The following KAZN variants were observed in gnomAD, a reference collection of about 807,000 sequenced individuals.
KAZN encodes kazrin.
Under a neutral mutation model 87.4 loss-of-function variants are expected in KAZN, and 40 were observed. The ratio of observed to expected loss-of-function variants is 0.46; its 90% CI spans 0.36 to 0.60. KAZN has a LOEUF of 0.60. Among genes scored for constraint, KAZN ranks in the 20% least tolerant of loss-of-function variants. The pLI is 0.00. For missense variants in KAZN, 898 were observed against 1,073.9 expected (o/e 0.84, Z 2.29); for synonymous variants, 466 against 458.3 (o/e 1.02, Z -0.22).
At chr1:14,488,908 A>T (rs1437096318) in intron 2 of KAZN, among the ~76,000 whole-genome samples, 1 of 152,166 alleles carries the variant, frequency 6.6e-6, no homozygotes, top group East Asian at 1.9e-4. Context: ...GGAGGACAGG[A>T]TTCATTTCTT....
chr1:14,678,602 G>A (rs1049024486), intron 1 of KAZN, among the ~76,000 whole-genome samples: 2 of 152,142 alleles, frequency 1.3e-5, no homozygotes, highest in African/African-American at 4.8e-5. Context: ...TATCCCTCTA[G>A]AGAACCCTGA....
intron 2 of KAZN, among the ~76,000 whole-genome samples, chr1:14,276,241 GT>G (rs1652345093): frequency 6.6e-6 from 1 of 151,004 alleles, no homozygotes; most frequent in Non-Finnish European, 1.5e-5. Context: ...TCTCTTCCCA[GT>G]TTGCTAAAGG....
At chr1:14,033,738 T>G (rs1327068780) in intron 1 of KAZN, among the ~76,000 whole-genome samples, 1 of 152,214 alleles carries the variant, frequency 6.6e-6, no homozygotes. Flanking sequence ...GTTTGCCCAA[T>G]TACTGCAGCC....
At position 14,923,972 on chromosome 1, in the gene KAZN, G is replaced by A. The variant is rs1310565647; in HGVS notation, c.227-36712G>A. ...AATGACCGCGTCGGGGATGCACCGA[G>A]TGGCGGGGGCCGGGCGCACAACGGG... On this transcript the variant is annotated intron_variant, in intron 1 of 14. Coordinates refer to ENST00000376030, the MANE Select transcript of KAZN (RefSeq NM_201628.3). The surrounding 1 kb of genome is among the most constrained non-coding windows in gnomAD (Gnocchi z 4.2). 6.6e-6 allele frequency among the ~76,000 whole-genome samples: 1 copy of A among 151,632 alleles called. No individual in the cohort carries two copies. The highest frequency in any genetic ancestry group is 6.6e-5 in the Admixed American group (1 of 15,240).
chr1:14,522,844 C>T (rs768409273), intron 2 of KAZN, among the ~76,000 whole-genome samples: 26 of 152,176 alleles, frequency 1.7e-4, no homozygotes, highest in Non-Finnish European at 2.8e-4. Flanking sequence ...GTATTTTCTT[C>T]CAAGCAGCTT....
At chr1:14,045,104 A>C (rs1360915225) in intron 1 of KAZN, among the ~76,000 whole-genome samples, 2 of 152,256 alleles carry the variant, frequency 1.3e-5, no homozygotes, top group African/African-American at 4.8e-5. Context: ...TCTTGGAAGT[A>C]GATCTTCCAG....
Position 14,105,260 on chromosome 1 carries a change from T to G in KAZN, c.92-75175T>G, listed in dbSNP as rs191469349. 2.6e-5 allele frequency among the ~76,000 whole-genome samples: 4 copies of G among 152,236 alleles called. No individual in the cohort carries two copies. The East Asian group carries it at 7.7e-4, about 29-fold the overall frequency. ...GAAGGATCAGGATCTGTTGAGTGTG[T>G]ATAACAAAAAGAACCAACCCGATCT... On this transcript the variant is annotated intron_variant, in intron 1 of 16. Coordinates refer to the KAZN transcript ENST00000636203.
In KAZN at chr1:14,396,090, C is replaced by A. The variant is rs1662874030; in HGVS notation, c.250-202893C>A. Among the ~76,000 whole-genome samples the A allele has an allele frequency of 2.7e-5, 4 of 150,280 alleles. No individual in the cohort carries two copies. The South Asian group carries it at 8.6e-4, about 32-fold the overall frequency. ...GGCTGAGGCAAGAGAATCGCTTGAACCCGGGAGGCAAAGGTTGCAGTGAGC... is the reference window on the plus strand; with the variant it reads ...GGCTGAGGCAAGAGAATCGCTTGAAACCGGGAGGCAAAGGTTGCAGTGAGC... On this transcript the variant is annotated intron_variant, in intron 2 of 16. Coordinates refer to the KAZN transcript ENST00000636203.
At chr1:14,368,426 A>G (rs1335556237) in intron 2 of KAZN, among the ~76,000 whole-genome samples, 1 of 152,234 alleles carries the variant, frequency 6.6e-6, no homozygotes, top group Non-Finnish European at 1.5e-5. Flanking sequence ...TGATCCATCC[A>G]TTAGGCACTC....
intron 1 of KAZN, among the ~76,000 whole-genome samples, chr1:14,089,387 G>A (rs1395830246): frequency 6.6e-6 from 1 of 151,818 alleles, no homozygotes; most frequent in East Asian, 1.9e-4. Context: ...TCTTCTTGTG[G>A]ATTAATTCAG....
intron 2 of KAZN, among the ~76,000 whole-genome samples, chr1:15,015,253 AGC>A (rs1358257466): frequency 6.6e-6 from 1 of 151,904 alleles, no homozygotes; most frequent in Non-Finnish European, 1.5e-5. Flanking sequence ...CCCAGGTTCA[AGC>A]AATTCTTCTG....
intron 5 of KAZN, among the ~76,000 whole-genome samples, chr1:15,057,455 C>T (rs1638393854): frequency 6.6e-6 from 1 of 152,214 alleles, no homozygotes; most frequent in South Asian, 2.1e-4. Context: ...TCATTATCAT[C>T]GTCATCATCA....
Position 14,820,953 on chromosome 1 carries a change from A to C in KAZN, c.227-139731A>C, listed in dbSNP as rs188524914. On this transcript the variant is annotated intron_variant, in intron 1 of 14. Transcript: ENST00000376030. The surrounding 1 kb of genome is among the most constrained non-coding windows in gnomAD (Gnocchi z 4.1). ...GGGGATGGCAAGGGCTGGACGCAGC[A>C]GGACCGTGGTCTGTTCTGTGATGGA... is the stretch of plus-strand genomic sequence containing the variant. Among the ~76,000 whole-genome samples the C allele has an allele frequency of 3.8e-3, 574 of 152,332 alleles. 3 individuals carry two copies. The highest frequency in any genetic ancestry group is 6.8e-3 in the Middle Eastern group (2 of 294).
chr1:14,181,574 C>T (rs755069222), intron 2 of KAZN, among the ~76,000 whole-genome samples: 12 of 152,160 alleles, frequency 7.9e-5, no homozygotes, highest in Non-Finnish European at 1.8e-4. Context: ...TGCCTGAAGC[C>T]GCCCCATGGG....
chr1:14,986,599 G>A (rs746921073), intron 2 of KAZN, among the ~76,000 whole-genome samples: 19 of 152,130 alleles, frequency 1.2e-4, no homozygotes, highest in Non-Finnish European at 2.2e-4. Context: ...CACTGAGTAC[G>A]GCTGGTATGG....
chr1:14,812,041 G>A (rs1380829631), intron 1 of KAZN, among the ~76,000 whole-genome samples: 1 of 152,084 alleles, frequency 6.6e-6, no homozygotes, highest in Non-Finnish European at 1.5e-5. Context: ...TGTAAGTTTG[G>A]AGCCAGAGCA....
upstream of KAZN, chr1:14,598,608 CT>C (rs1676671601): frequency 9.4e-7 from 1 of 1,061,712 alleles, no homozygotes. This position sits in a 1 kb window ranked among gnomAD's most constrained non-coding sequence, Gnocchi z 4.2. Flanking sequence ...TGCCCCCAGC[CT>C]CCGACCGAGA....
At position 14,903,168 on chromosome 1, in the gene KAZN, C is replaced by T. The variant is rs1396517693; in HGVS notation, c.227-57516C>T. 7.2e-5 allele frequency among the ~76,000 whole-genome samples: 11 copies of T among 152,232 alleles called. No individual in the cohort carries two copies. The East Asian group carries it at 1.7e-3, about 24-fold the overall frequency. On this transcript the variant is annotated intron_variant, in intron 1 of 14. Transcript: ENST00000376030. ...ACAGGTGTGAGCCACCACACCTGGC[C>T]GCCTCTTATTTCTGTGGTGGTCTCT...
intron 1 of KAZN, among the ~76,000 whole-genome samples, chr1:14,155,078 C>T (rs996242065): frequency 1.3e-5 from 2 of 151,740 alleles, no homozygotes; most frequent in African/African-American, 4.9e-5. Context: ...TTCCCTCTTC[C>T]TCTAGGTTTT....
Sources: gnomAD v4.1 joint callset for allele counts (sites outside exome capture counted in the v4.1 genomes callset) on GRCh38, gnomAD v4.1.1 for gene constraint, Gnocchi (gnomAD v3.1) non-coding constraint, MANE v1.5 for transcripts, NCBI Gene and HGNC (gene_info 2026-07-23, HGNC 2026-07-21) for gene names.